MDM1: variants seen among roughly 807,000 people sequenced by gnomAD.
MDM1 encodes Mdm1 nuclear protein.
Under a neutral mutation model 89.1 loss-of-function variants are expected in MDM1, and 61 were observed. That is an observed-to-expected ratio of 0.68 (90% CI 0.56 to 0.85). The LOEUF (loss-of-function observed/expected upper bound fraction) is 0.85, where lower values mean the gene tolerates loss of function less well. Among genes scored for constraint, MDM1 ranks in the 40% least tolerant of loss-of-function variants. The probability of loss-of-function intolerance (pLI) is 0.00; values close to 1 mark genes in which losing one functional copy is unlikely to be tolerated. For synonymous variants in MDM1, 290 were observed against 294.1 expected, an observed-to-expected ratio of 0.99 and a Z score of 0.14; for missense variants, 820 against 846.5, an observed-to-expected ratio of 0.97 and a Z score of 0.39.
intron 5 of MDM1, among the ~76,000 whole-genome samples, chr12:68,322,030 ATTCT>A (rs1456315197): frequency 6.6e-6 from 1 of 152,214 alleles, no homozygotes; most frequent in African/African-American, 2.4e-5. Context: ...CTGAATAACA[ATTCT>A]TTTTTTCTCC....
intron 13 of MDM1, among the ~76,000 whole-genome samples, chr12:68,300,526 A>G (rs1872003549): frequency 6.6e-6 from 1 of 152,154 alleles, no homozygotes; most frequent in Non-Finnish European, 1.5e-5. Flanking sequence ...ATCAGGCAAA[A>G]CAGACTTTAA....
intron 2 of MDM1, among the ~76,000 whole-genome samples, chr12:68,328,263 TTTCCA>T (rs1161949439): frequency 6.6e-6 from 1 of 152,226 alleles, no homozygotes; most frequent in Non-Finnish European, 1.5e-5. Flanking sequence ...CTCCATGGAT[TTTCCA>T]TCTACCTTCT....
chr12:68,316,694 C>A (rs1874550078), intron 7 of MDM1, 84 bp from the exon 8 acceptor site: 2 of 1,082,832 alleles, frequency 1.8e-6, no homozygotes, highest in Non-Finnish European at 2.7e-6. Flanking sequence ...ACACATTATT[C>A]TCCCTTCTAA....
In MDM1 at chr12:68,316,225, A is replaced by G. The variant is rs1194600476; in HGVS notation, c.1064T>C (p.Phe355Ser). 5 of 1,613,594 alleles carry G rather than the reference A, an allele frequency of 3.1e-6. No homozygotes were observed. The highest frequency in any genetic ancestry group is 1.3e-5 in the African/African-American group (1 of 74,860). Residue 355 changes from phenylalanine to serine, a missense_variant, in exon 9 of 15, where the codon TTT becomes TCT. Transcript: ENST00000682720. ...CGTCCCCTGAACTCGCTTCCTATAA[A>G]ACTCAGCCTTTTCTCGGAGTTCTTT... ...EVKELREKAE[F>S]YRKRVQGTHF...
chr12:68,313,883 C>T (rs570946012), intron 10 of MDM1, 130 bp from the exon 11 acceptor site: 43 of 711,116 alleles, frequency 6.0e-5, no homozygotes, highest in African/African-American at 5.2e-4. Flanking sequence ...GGCTCACGCC[C>T]GTAATCCCAG....
rs747833907 is a variant in MDM1, at chr12:68,327,016, T to C, written c.139A>G (p.Thr47Ala). 6 of 1,589,992 alleles carry C rather than the reference T, an allele frequency of 3.8e-6. No individual in the cohort carries two copies. Among genetic ancestry groups the C allele is most frequent in the Non-Finnish European group, 8.5e-7 (1 of 1,172,746 alleles). Reference sequence around the variant, plus strand: ...TTTGAAATAAAACTTGGCTCTTTCGTGATGCCTACAAAACACGGTATACAA... The same window carrying C: ...TTTGAAATAAAACTTGGCTCTTTCGCGATGCCTACAAAACACGGTATACAA... ...AGLRSDQLGITKEPSFISKRR... is the reference protein window; with the variant it reads ...AGLRSDQLGIAKEPSFISKRR... Residue 47 changes from threonine (T) to alanine (A), a missense_variant, in exon 3 of 15, where the codon ACG becomes GCG. Thr to Ala is a moderately conservative substitution (Grantham distance 58). Coordinates refer to ENST00000682720, the MANE Select transcript of MDM1 (RefSeq NM_001354969.2).
At chr12:68,325,630 T>G in intron 3 of MDM1, 55 bp from the exon 4 acceptor site, 8 of 1,432,432 alleles carry the variant, frequency 5.6e-6, no homozygotes, top group Non-Finnish European at 4.6e-6. Flanking sequence ...TTCAAACTTT[T>G]TAAAAATTGT....
intron 7 of MDM1, among the ~76,000 whole-genome samples, chr12:68,320,046 A>G (rs186989155): frequency 9.3e-4 from 142 of 152,352 alleles, no homozygotes; most frequent in Middle Eastern, 3.4e-3. Context: ...AGAGTTTCTC[A>G]TAACCTCAAC....
chr12:68,325,908 C>G (rs1875899956), intron 3 of MDM1: 14 of 1,003,176 alleles, frequency 1.4e-5, no homozygotes, highest in Non-Finnish European at 1.7e-5. Context: ...GCCTCACCTG[C>G]ACACTGCTTC....
intron 12 of MDM1, among the ~76,000 whole-genome samples, chr12:68,311,664 T>G (rs1411966213): frequency 6.6e-6 from 1 of 152,188 alleles, no homozygotes; most frequent in Admixed American, 6.5e-5. Context: ...CATCAACTTT[T>G]CTCTCTCCAA....
intron 13 of MDM1, among the ~76,000 whole-genome samples, chr12:68,302,305 G>A (rs528873451): frequency 1.8e-4 from 28 of 152,278 alleles, no homozygotes; most frequent in Non-Finnish European, 2.8e-4. Flanking sequence ...GGCAACATTT[G>A]GCAATGTCTG....
At position 68,332,349 on chromosome 12, in the gene MDM1, GT is replaced by G. The variant is rs1273032488; in HGVS notation, c.-105del. The G allele has an allele frequency of 8.0e-6, 11 of 1,372,388 alleles. No individual in the cohort carries two copies. The highest frequency in any genetic ancestry group is 4.4e-5 in the African/African-American group (3 of 68,242). The allele number at this position is 1,372,388 out of a possible 1,614,324, so 85.0% of individuals were successfully genotyped here. A position where few individuals can be genotyped will look rare whatever the true frequency, so the allele number is the denominator to read the frequency against. Reference sequence around the variant, plus strand: ...TTCCCTAGCAAAGCCTCGGCCCGGCGTCCCCGACTACGCGCCGGCGCACTCC... The same window carrying G: ...TTCCCTAGCAAAGCCTCGGCCCGGCGCCCCGACTACGCGCCGGCGCACTCC... On this transcript the variant is annotated 5_prime_UTR_variant, in exon 1 of 15. Transcript: ENST00000682720.
chr12:68,328,986 T>TGCTC (rs1876406186), intron 2 of MDM1, among the ~76,000 whole-genome samples: 1 of 152,230 alleles, frequency 6.6e-6, no homozygotes, highest in Non-Finnish European at 1.5e-5. Flanking sequence ...ATGGTCTCAT[T>TGCTC]TCATCACCTT....
At position 68,316,511 on chromosome 12, in the gene MDM1, C is replaced by CT. The variant is rs1874526027; in HGVS notation, c.1035+69dup. 3.0e-6 allele frequency: 4 copies of CT among 1,331,866 alleles called. No homozygotes were observed. In the Admixed American group the frequency reaches 8.5e-5, roughly 28 times the overall value. The allele number at this position is 1,331,866 out of a possible 1,614,324, so 82.5% of individuals were successfully genotyped here. A position where few individuals can be genotyped will look rare whatever the true frequency, so the allele number is the denominator to read the frequency against. ...CAGCTAAGAAAAATATTGACACCTA[C>CT]TTTTTATTCCAACTGAAATTACACA... On this transcript the variant is annotated intron_variant, in intron 8 of 14. Coordinates refer to ENST00000682720, the MANE Select transcript of MDM1 (RefSeq NM_001354969.2).
Position 68,313,811 on chromosome 12 carries a change from A to G in MDM1, c.1530-58T>C, listed in dbSNP as rs548221512. The G allele has an allele frequency of 1.0e-5, 14 of 1,384,278 alleles. No individual in the cohort carries two copies. The East Asian group carries it at 3.2e-4, about 32-fold the overall frequency. The allele number at this position is 1,384,278 out of a possible 1,614,324, so 85.7% of individuals were successfully genotyped here. ...GCATTTCCTCGAGAAAATATGATAA[A>G]AAATACTTTGCCATCATTGTGCAAT... On this transcript the variant is annotated intron_variant, in intron 10 of 14. Transcript: ENST00000682720.
At chr12:68,318,968 A>G (rs575860681) in intron 7 of MDM1, among the ~76,000 whole-genome samples, 1 of 152,316 alleles carries the variant, frequency 6.6e-6, no homozygotes, top group South Asian at 2.1e-4. Flanking sequence ...AGTCTTTACA[A>G]TGTCTGTCAA....
chr12:68,307,443 C>T (rs1448938679), intron 12 of MDM1, among the ~76,000 whole-genome samples: 3 of 152,166 alleles, frequency 2.0e-5, no homozygotes, highest in African/African-American at 7.2e-5. Flanking sequence ...TGAGAACAGC[C>T]TGGCAACACA....
intron 13 of MDM1, among the ~76,000 whole-genome samples, chr12:68,299,007 A>G (rs1215746788): frequency 6.6e-6 from 1 of 152,094 alleles, no homozygotes; most frequent in Non-Finnish European, 1.5e-5. Flanking sequence ...TCATACAAAG[A>G]CTCTCTATAA....
intron 1 of MDM1, chr12:68,331,864 A>C (rs1250072275): frequency 2.0e-6 from 1 of 506,674 alleles, no homozygotes; most frequent in African/African-American, 1.9e-5. Context: ...CTAAAGTTTT[A>C]AAGGTAATGG....
Sources: allele counts gnomAD v4.1 joint callset (sites outside exome capture counted in the v4.1 genomes callset), GRCh38; gene constraint gnomAD v4.1.1; transcripts MANE v1.5; gene names NCBI Gene and HGNC (gene_info 2026-07-23, HGNC 2026-07-21).